The following ADCY1 variants were observed in gnomAD, a reference collection of about 807,000 sequenced individuals.
ADCY1 encodes adenylate cyclase type 1.
A neutral mutation model predicts 105.4 loss-of-function variants in ADCY1; 28 were observed. That is an observed-to-expected ratio of 0.27 (90% CI 0.20 to 0.36). ADCY1 has a LOEUF of 0.36. ADCY1 is among the 10% of genes least tolerant of loss of function. The probability of loss-of-function intolerance (pLI) is 1.00; values close to 1 mark genes in which losing one functional copy is unlikely to be tolerated. For missense variants in ADCY1, 977 were observed against 1,434.2 expected (o/e 0.68, Z 5.15); for synonymous variants, 655 against 623.8 (o/e 1.05, Z -0.75).
intron 2 of ADCY1, among the ~76,000 whole-genome samples, chr7:45,609,695 T>A (rs1186508455): frequency 6.6e-6 from 1 of 152,080 alleles, no homozygotes; most frequent in Non-Finnish European, 1.5e-5. Context: ...AAGGGCCAGC[T>A]GGGGTTGGGG....
chr7:45,706,938 A>G (rs1452762267), intron 17 of ADCY1, among the ~76,000 whole-genome samples: 1 of 152,244 alleles, frequency 6.6e-6, no homozygotes, highest in African/African-American at 2.4e-5. Flanking sequence ...CAGATGACAG[A>G]TAGGCATATG....
chr7:45,616,073 G>A (rs1793729479), intron 3 of ADCY1, among the ~76,000 whole-genome samples: 1 of 152,184 alleles, frequency 6.6e-6, no homozygotes, highest in African/African-American at 2.4e-5. Context: ...CCAGCAAACT[G>A]TGTAACCCAG....
intron 1 of ADCY1, among the ~76,000 whole-genome samples, chr7:45,588,024 A>C (rs1176191957): frequency 6.6e-6 from 1 of 152,210 alleles, no homozygotes; most frequent in African/African-American, 2.4e-5. Flanking sequence ...AGTAGCTATA[A>C]ATGATTTGGA....
chr7:45,714,495 A>G lies in ADCY1; in HGVS notation c.*500A>G, dbSNP rs554588858. 153 of 163,882 alleles carry G rather than the reference A, an allele frequency of 9.3e-4. 1 individual carries two copies. The highest frequency in any genetic ancestry group is 3.6e-3 in the South Asian group (20 of 5,570). 10.2% of individuals were successfully genotyped at this position (163,882 alleles called of 1,614,324 possible). A position where few individuals can be genotyped will look rare whatever the true frequency, so the allele number is the denominator to read the frequency against. On this transcript the variant is annotated 3_prime_UTR_variant, in exon 20 of 20. Coordinates refer to ENST00000297323, the MANE Select transcript of ADCY1 (RefSeq NM_021116.4). ...GCTCCAGCCCTGGGCAGCGGCTTCAAGAGCCAGAGTGGGAAGTCAGGCCTC... is the reference window on the plus strand; with the variant it reads ...GCTCCAGCCCTGGGCAGCGGCTTCAGGAGCCAGAGTGGGAAGTCAGGCCTC...
At chr7:45,690,654 G>A (rs980562059) in intron 14 of ADCY1, among the ~76,000 whole-genome samples, 3 of 152,146 alleles carry the variant, frequency 2.0e-5, no homozygotes, top group Non-Finnish European at 2.9e-5. Context: ...CTGGAAGGGA[G>A]ATCTGGCCAG....
intron 14 of ADCY1, among the ~76,000 whole-genome samples, chr7:45,691,488 T>C (rs534072337): frequency 3.6e-4 from 55 of 152,276 alleles, no homozygotes; most frequent in African/African-American, 1.0e-3. Flanking sequence ...AAACACTAGG[T>C]AGGTTAATTA....
rs1373273910 is a variant in ADCY1, at chr7:45,714,184, C to G, written c.*189C>G. 1.7e-6 allele frequency: 1 copy of G among 592,346 alleles called. No homozygotes were observed. Among genetic ancestry groups the G allele is most frequent in the Non-Finnish European group, 3.0e-6 (1 of 332,954 alleles). 36.7% of individuals were successfully genotyped at this position (592,346 alleles called of 1,614,324 possible). A position where few individuals can be genotyped will look rare whatever the true frequency, so the allele number is the denominator to read the frequency against. On this transcript the variant is annotated 3_prime_UTR_variant, in exon 20 of 20. Coordinates refer to ENST00000297323, the MANE Select transcript of ADCY1 (RefSeq NM_021116.4). ...CAACCACCGAGCAGGCACAGCACAG[C>G]AGTGACTCGGTGAGGGGAGGACACC...
In ADCY1 at chr7:45,710,511, C is replaced by T. The variant is rs772291744; in HGVS notation, c.2933-17C>T. 4.3e-5 allele frequency: 69 copies of T among 1,612,258 alleles called. No individual in the cohort carries two copies. Among genetic ancestry groups the T allele is most frequent in the South Asian group, 2.0e-4 (18 of 90,746 alleles). On this transcript the variant is annotated splice_polypyrimidine_tract_variant and intron_variant, in intron 18 of 19. Coordinates refer to ENST00000297323, the MANE Select transcript of ADCY1 (RefSeq NM_021116.4). The surrounding 1 kb of genome is among the most constrained non-coding windows in gnomAD (Gnocchi z 4.7). ...CTTTTCCCGCTGATGACAGGTCATG[C>T]GCTGGCTGTTTTCTAGGCATCAATG...
intron 1 of ADCY1, among the ~76,000 whole-genome samples, chr7:45,590,528 C>T (rs1365398076): frequency 6.6e-6 from 1 of 152,100 alleles, no homozygotes; most frequent in Non-Finnish European, 1.5e-5. Context: ...TTCCAGACAT[C>T]CATGGTGTTT....
intron 1 of ADCY1, among the ~76,000 whole-genome samples, chr7:45,590,859 C>G (rs545388147): frequency 6.6e-6 from 1 of 152,176 alleles, no homozygotes; most frequent in Non-Finnish European, 1.5e-5. Context: ...GGGCAACCTC[C>G]TGCCTGTGCC....
chr7:45,707,309 T>C (rs1232494469), intron 17 of ADCY1, among the ~76,000 whole-genome samples: 2 of 152,204 alleles, frequency 1.3e-5, no homozygotes, highest in African/African-American at 4.8e-5. Flanking sequence ...GGTGAATGGA[T>C]AAAGAAATTT....
intron 11 of ADCY1, among the ~76,000 whole-genome samples, chr7:45,682,374 G>T (rs192790927): frequency 1.4e-4 from 21 of 152,306 alleles, no homozygotes; most frequent in African/African-American, 5.1e-4. Context: ...TGTCAGGGTT[G>T]CAGGCTGAGG....
chr7:45,675,594 A>AT lies in ADCY1; in HGVS notation c.1606-2266dup, dbSNP rs553979531. Among the ~76,000 whole-genome samples the AT allele has an allele frequency of 8.6e-5, 13 of 151,206 alleles. No individual in the cohort carries two copies. The East Asian group carries it at 1.7e-3, about 20-fold the overall frequency. Reference sequence around the variant, plus strand: ...CTTTCCTTTATCTAAAAATATTATAATTTTTTTTTCATTTCTGAAGTATAA... The same window carrying AT: ...CTTTCCTTTATCTAAAAATATTATAATTTTTTTTTTCATTTCTGAAGTATAA... On this transcript the variant is annotated intron_variant, in intron 8 of 19. Coordinates refer to ENST00000297323, the MANE Select transcript of ADCY1 (RefSeq NM_021116.4).
rs147771902 is a variant in ADCY1, at chr7:45,679,757, G to A, written c.1947G>A (p.Val649=). The change falls in exon 11 of 20, where the codon GTG becomes GTA. Residue 649 remains valine, a synonymous_variant. Coordinates refer to ENST00000297323, the MANE Select transcript of ADCY1 (RefSeq NM_021116.4). ...LLLVFCICFL[V]ACVLYLHITR... is the part of the protein sequence containing the mutation. ...TAGTATTCTGCATCTGCTTCCTGGT[G>A]GCCTGTGTCCTGTACCTGCACATCA... The A allele has an allele frequency of 6.2e-7, 1 of 1,614,170 alleles. No individual in the cohort carries two copies. Among genetic ancestry groups the A allele is most frequent in the Non-Finnish European group, 8.5e-7 (1 of 1,180,030 alleles).
intron 5 of ADCY1, among the ~76,000 whole-genome samples, chr7:45,653,946 T>C (rs1244346722): frequency 1.3e-5 from 2 of 152,252 alleles, no homozygotes. Context: ...ACCTGCTAGA[T>C]TCTTGGCTCC....
At chr7:45,645,741 C>A (rs1794645615) in intron 4 of ADCY1, among the ~76,000 whole-genome samples, 1 of 152,126 alleles carries the variant, frequency 6.6e-6, no homozygotes, top group African/African-American at 2.4e-5. Context: ...ACATGAGATG[C>A]AGGGATGATC....
At chr7:45,696,069 C>T (rs955813627) in intron 14 of ADCY1, among the ~76,000 whole-genome samples, 17 of 152,334 alleles carry the variant, frequency 1.1e-4, no homozygotes, top group Admixed American at 6.5e-5. Context: ...GCAGACCCAC[C>T]GGACATCCCC....
At chr7:45,679,688 C>T (rs1344724553) in intron 10 of ADCY1, 21 bp from the exon 11 acceptor site, 2 of 1,613,932 alleles carry the variant, frequency 1.2e-6, no homozygotes, top group East Asian at 2.2e-5. Context: ...ATCAGTGACT[C>T]TCATGTTTTC....
At chr7:45,663,426 G>T (rs1795182850) in intron 8 of ADCY1, among the ~76,000 whole-genome samples, 1 of 152,220 alleles carries the variant, frequency 6.6e-6, no homozygotes, top group Admixed American at 6.5e-5. Context: ...CTGTTCCCCA[G>T]CTGTGCTCAT....
Sources: allele counts gnomAD v4.1 joint callset (sites outside exome capture counted in the v4.1 genomes callset), GRCh38; gene constraint gnomAD v4.1.1; non-coding constraint Gnocchi (gnomAD v3.1); transcripts MANE v1.5; gene names NCBI Gene and HGNC (gene_info 2026-07-23, HGNC 2026-07-21).